FREM1: variants seen among roughly 807,000 people sequenced by gnomAD.
The protein encoded by FREM1 is FRAS1 related extracellular matrix 1.
FREM1 carries 220 observed loss-of-function variants against 210.1 expected under a neutral mutation model. The ratio of observed to expected loss-of-function variants is 1.05; its 90% CI spans 0.94 to 1.17. The LOEUF (loss-of-function observed/expected upper bound fraction) is 1.17, where lower values mean the gene tolerates loss of function less well. Ranked by LOEUF, FREM1 falls within the 50% of genes most tolerant of loss-of-function variation. The pLI is 0.00. For synonymous variants in FREM1, 1,189 were observed against 980.2 expected (o/e 1.21, Z -3.98); for missense variants, 3,454 against 2,675.5 (o/e 1.29, Z -6.42).
At chr9:14,893,444 C>G (rs2132429279) in intron 1 of FREM1, among the ~76,000 whole-genome samples, 1 of 152,308 alleles carries the variant, frequency 6.6e-6, no homozygotes, top group African/African-American at 2.4e-5. Flanking sequence ...ATCTTGTAAC[C>G]ATGTGGCCCT....
At chr9:14,906,886 T>C (rs1396521885) in intron 1 of FREM1, among the ~76,000 whole-genome samples, 1 of 152,188 alleles carries the variant, frequency 6.6e-6, no homozygotes. Context: ...TATCTGTCCT[T>C]TGTTGCTGGG....
At chr9:14,860,802 T>C (rs1215184529) in intron 3 of FREM1, among the ~76,000 whole-genome samples, 1 of 118,892 alleles carries the variant, frequency 8.4e-6, no homozygotes, top group African/African-American at 3.2e-5. Context: ...TATATACACA[T>C]ATATACATAT....
chr9:14,777,849 T>G (rs1243701779), intron 24 of FREM1, among the ~76,000 whole-genome samples: 2 of 152,152 alleles, frequency 1.3e-5, no homozygotes, highest in African/African-American at 4.8e-5. Flanking sequence ...GACCACGGAC[T>G]CAGGGAGGGC....
intron 15 of FREM1, among the ~76,000 whole-genome samples, chr9:14,813,352 G>A (rs1819739761): frequency 6.6e-6 from 1 of 152,216 alleles, no homozygotes; most frequent in Non-Finnish European, 1.5e-5. Flanking sequence ...AAATACAAAT[G>A]TAATATAAGG....
intron 36 of FREM1, among the ~76,000 whole-genome samples, chr9:14,739,480 CAT>C (rs201820027): frequency 0.13 from 17,746 of 134,660 alleles, 1,244 homozygotes; most frequent in Non-Finnish European, 0.16. Context: ...ATATATAATT[CAT>C]ATATATATAT....
At chr9:14,822,791 T>A (rs1030250414) in intron 13 of FREM1, among the ~76,000 whole-genome samples, 1 of 152,192 alleles carries the variant, frequency 6.6e-6, no homozygotes, top group Non-Finnish European at 1.5e-5. Context: ...CAGAGCAGCA[T>A]AGTTGGGCTG....
rs751761560 is a variant in FREM1 at position 14,750,199 on chromosome 9, G to A, written c.5485C>T (p.Leu1829=). The change falls in exon 30 of 37, where the codon CTG becomes TTG. Residue 1829 remains leucine (L), a synonymous_variant. Transcript: ENST00000380880. ...EEDDEVFEVI[L]NSPVNAVLGT... The stretch of plus-strand genomic sequence containing the variant: ...AGAACTGCATTCACAGGGGAGTTCA[G>A]AATTACTTCAAAGACCTCATCATCT... The A allele has an allele frequency of 6.2e-6, 10 of 1,613,686 alleles. No individual in the cohort carries two copies. Among genetic ancestry groups the A allele is most frequent in the African/African-American group, 1.3e-5 (1 of 75,028 alleles).
chr9:14,857,655 C>A lies in FREM1; in HGVS notation c.726G>T (p.Leu242=). ...SLKVSCEEFL[L]MGLRYQHLDP... ...CCAGATGCTGATAACGAAGGCCCAT[C>A]AGCAGGAACTCCTCACAGCTCACTT... The change falls in exon 5 of 37, where the codon CTG becomes CTT. Residue 242 remains leucine (L), a synonymous_variant. Transcript: ENST00000380880. The A allele has an allele frequency of 1.2e-6, 2 of 1,613,866 alleles. No homozygotes were observed. The highest frequency in any genetic ancestry group is 1.7e-6 in the Non-Finnish European group (2 of 1,179,808).
rs934418326 is a variant in FREM1, at chr9:14,770,499, G to C, written c.5059+106C>G. The C allele has an allele frequency of 5.9e-5, 46 of 774,984 alleles. No individual in the cohort carries two copies. The Admixed American group carries it at 9.4e-4, about 16-fold the overall frequency. 48.0% of individuals were successfully genotyped at this position (774,984 alleles called of 1,614,324 possible). A position where few individuals can be genotyped will look rare whatever the true frequency, so the allele number is the denominator to read the frequency against. On this transcript the variant is annotated intron_variant, in intron 26 of 36. Transcript: ENST00000380880. ...TAAACTGCATCTATCAGTAAGCCCT[G>C]GGGAGTGTTTACCAAATGGGCCTGC...
chr9:14,762,963 G>A (rs994595040), intron 27 of FREM1, among the ~76,000 whole-genome samples: 14 of 152,082 alleles, frequency 9.2e-5, no homozygotes, highest in Non-Finnish European at 1.5e-4. Flanking sequence ...AGAGAAATTC[G>A]TAAAGTTCTA....
intron 30 of FREM1, among the ~76,000 whole-genome samples, chr9:14,749,028 A>G (rs1401036294): frequency 6.6e-6 from 1 of 152,182 alleles, no homozygotes; most frequent in Non-Finnish European, 1.5e-5. Context: ...ATCATTTCCT[A>G]GAGGTAGAAA....
chr9:14,856,432 T>C (rs567686430), intron 5 of FREM1, among the ~76,000 whole-genome samples: 3 of 152,364 alleles, frequency 2.0e-5, no homozygotes, highest in African/African-American at 7.2e-5. Context: ...TTCTTTATGA[T>C]TCCTTGTCAT....
chr9:14,790,637 TAGAA>T (rs1450456209), intron 22 of FREM1: 1 of 151,938 alleles, frequency 6.6e-6, no homozygotes, highest in Non-Finnish European at 1.5e-5. Context: ...GACCCAGAAA[TAGAA>T]AGAAAATAAA....
chr9:14,770,092 T>C (rs148055404), intron 26 of FREM1, among the ~76,000 whole-genome samples: 4 of 151,858 alleles, frequency 2.6e-5, no homozygotes, highest in East Asian at 3.9e-4. Context: ...CTTAAAAAAA[T>C]GAAAATAAAG....
intron 1 of FREM1, among the ~76,000 whole-genome samples, chr9:14,884,914 G>GTTTT (rs1835495787): frequency 9.8e-6 from 1 of 101,898 alleles, no homozygotes; most frequent in Non-Finnish European, 2.0e-5. Flanking sequence ...ATTCATCATA[G>GTTTT]CTTTTTTTTT....
chr9:14,755,053 C>T (rs1303803152), intron 29 of FREM1, among the ~76,000 whole-genome samples: 2 of 152,188 alleles, frequency 1.3e-5, no homozygotes, highest in African/African-American at 4.8e-5. Flanking sequence ...CAACGTTTGC[C>T]ACCCAGCCAC....
At chr9:14,849,923 G>A (rs1279561442) in intron 6 of FREM1, among the ~76,000 whole-genome samples, 1 of 152,188 alleles carries the variant, frequency 6.6e-6, no homozygotes, top group African/African-American at 2.4e-5. Flanking sequence ...GGAAGGCATG[G>A]GGGGCCACAG....
intron 20 of FREM1, among the ~76,000 whole-genome samples, chr9:14,798,795 T>G (rs1437296938): frequency 1.3e-5 from 2 of 152,020 alleles, no homozygotes; most frequent in Non-Finnish European, 2.9e-5. Context: ...TGCCTCAGCC[T>G]CCCAAGTAGC....
At chr9:14,800,246 A>C (rs1364413799) in intron 20 of FREM1, among the ~76,000 whole-genome samples, 1 of 152,152 alleles carries the variant, frequency 6.6e-6, no homozygotes, top group African/African-American at 2.4e-5. Flanking sequence ...GGGCTCAAGC[A>C]GAGGTTAACA....
Sources: gnomAD v4.1 joint callset for allele counts (sites outside exome capture counted in the v4.1 genomes callset) on GRCh38, gnomAD v4.1.1 for gene constraint, MANE v1.5 for transcripts, NCBI Gene and HGNC (gene_info 2026-07-23, HGNC 2026-07-21) for gene names.